The following CDC16 variants were observed in gnomAD, a reference collection of about 807,000 sequenced individuals.
CDC16 encodes the protein cell division cycle protein 16 homolog.
Under a neutral mutation model 87.0 loss-of-function variants are expected in CDC16, and 34 were observed. That is an observed-to-expected ratio of 0.39 (90% CI 0.30 to 0.52). The LOEUF is 0.52. Ranked by LOEUF, CDC16 falls within the 20% of genes least tolerant of loss-of-function variation. CDC16 has a pLI of 0.74. For missense variants in CDC16, 653 were observed against 751.9 expected, an observed-to-expected ratio of 0.87 and a Z score of 1.54; for synonymous variants, 263 against 260.6, an observed-to-expected ratio of 1.01 and a Z score of -0.09.
chr13:114,267,460 C>G (rs1194371404), intron 17 of CDC16, among the ~76,000 whole-genome samples: 1 of 148,746 alleles, frequency 6.7e-6, no homozygotes, highest in Non-Finnish European at 1.5e-5. Context: ...AAGATTGTGC[C>G]ACTGCACTCC....
chr13:114,238,695 C>T (rs146665409), intron 3 of CDC16, among the ~76,000 whole-genome samples: 46 of 152,338 alleles, frequency 3.0e-4, no homozygotes, highest in African/African-American at 1.1e-3. Context: ...GTTTACTTCT[C>T]CACCTGGTTG....
Position 114,257,230 on chromosome 13 carries a change from A to T in CDC16, c.1250A>T (p.Glu417Val). 6.2e-7 allele frequency: 1 copy of T among 1,604,072 alleles called. No individual in the cohort carries two copies. Among genetic ancestry groups the T allele is most frequent in the Non-Finnish European group, 8.5e-7 (1 of 1,172,768 alleles). ...EVGVVAFQNG[E>V]WKTAEKWFLD... Reference sequence around the variant, plus strand: ...GGCGTGGTTGCATTTCAGAATGGAGAGTAAGTACTGGAAGACCAGAAACCC... The same window carrying T: ...GGCGTGGTTGCATTTCAGAATGGAGTGTAAGTACTGGAAGACCAGAAACCC... Residue 417 changes from glutamate to valine, a missense_variant and splice_region_variant, in exon 13 of 18, where the codon GAA (glutamate) becomes GTA (valine). By Grantham distance (121) the Glu-to-Val change is moderately radical. Coordinates refer to ENST00000356221, the MANE Select transcript of CDC16 (RefSeq NM_001078645.3).
chr13:114,261,606 T>C (rs977341285), intron 14 of CDC16, among the ~76,000 whole-genome samples: 2 of 152,020 alleles, frequency 1.3e-5, no homozygotes, highest in Non-Finnish European at 2.9e-5. Flanking sequence ...TAGAGAGGTC[T>C]GGTGTTTGAG....
chr13:114,235,128 AC>A lies in CDC16; in HGVS notation c.46del (p.Gln16SerfsTer14). ...RLRKRVRQYL[D>X]QQQYQSALFW... ...CGGAAGCGCGTCCGGCAGTACCTCG[AC>A]CAGGTGGGCGGCCCCGACTCGGGGT... On this transcript the variant is annotated frameshift_variant, in exon 1 of 18. Coordinates refer to ENST00000356221, the MANE Select transcript of CDC16 (RefSeq NM_001078645.3). LOFTEE classifies it high-confidence loss of function. 8.0e-7 allele frequency: 1 copy of A among 1,244,230 alleles called. No homozygotes were observed. The highest frequency in any genetic ancestry group is 1.0e-6 in the Non-Finnish European group (1 of 994,342). 77.1% of individuals were successfully genotyped at this position (1,244,230 alleles called of 1,614,324 possible).
chr13:114,244,111 A>T lies in CDC16; in HGVS notation c.767+122A>T, dbSNP rs143058360. On this transcript the variant is annotated intron_variant, in intron 8 of 17. Coordinates refer to ENST00000356221, the MANE Select transcript of CDC16 (RefSeq NM_001078645.3). ...ATGATAATTTAAGTTATCTTTACCAATTGTAGAGCACTGAACAGGGTGCTG... is the reference window on the plus strand; with the variant it reads ...ATGATAATTTAAGTTATCTTTACCATTTGTAGAGCACTGAACAGGGTGCTG... The T allele has an allele frequency of 3.0e-3, 2,058 of 689,278 alleles. 26 individuals carry two copies. The African/African-American group carries it at 0.033, about 11-fold the overall frequency. 42.7% of individuals were successfully genotyped at this position (689,278 alleles called of 1,614,324 possible).
At chr13:114,236,149 C>G (rs2081240215) in intron 1 of CDC16, among the ~76,000 whole-genome samples, 1 of 152,142 alleles carries the variant, frequency 6.6e-6, no homozygotes, top group South Asian at 2.1e-4. Flanking sequence ...GAGTTCTTCC[C>G]CATGTTCAGT....
At chr13:114,267,203 C>G (rs192402695) in intron 17 of CDC16, among the ~76,000 whole-genome samples, 30 of 152,214 alleles carry the variant, frequency 2.0e-4, no homozygotes, top group Admixed American at 3.9e-4. Flanking sequence ...AAGAAGCTAT[C>G]TAGGCCGGGC....
chr13:114,261,526 T>C (rs1483303443), intron 14 of CDC16, among the ~76,000 whole-genome samples: 1 of 151,546 alleles, frequency 6.6e-6, no homozygotes, highest in African/African-American at 2.4e-5. Context: ...GAGATGGGTG[T>C]GGTGTGTGGT....
intron 3 of CDC16, among the ~76,000 whole-genome samples, 189 bp downstream of exon 3, chr13:114,237,085 C>T (rs759348443): frequency 3.3e-5 from 5 of 151,964 alleles, no homozygotes; most frequent in Admixed American, 1.3e-4. Context: ...ATTAGCCGGA[C>T]GTGGTGGCAG....
chr13:114,256,811 T>TTGC (rs2082529335), intron 12 of CDC16, among the ~76,000 whole-genome samples: 1 of 152,182 alleles, frequency 6.6e-6, no homozygotes, highest in Non-Finnish European at 1.5e-5. Flanking sequence ...ACCTGCCCTT[T>TTGC]TGCTTTAGAG....
chr13:114,250,467 G>A (rs1302733151), intron 11 of CDC16, 82 bp from the exon 12 acceptor site: 1 of 1,366,754 alleles, frequency 7.3e-7, no homozygotes, highest in Non-Finnish European at 9.9e-7. Flanking sequence ...ACTCCAGCCT[G>A]AGCGACAAAG....
At chr13:114,268,898 G>T (rs2083421077) in intron 17 of CDC16, among the ~76,000 whole-genome samples, 2 of 152,214 alleles carry the variant, frequency 1.3e-5, no homozygotes, top group African/African-American at 4.8e-5. Flanking sequence ...ATGTGGTGTT[G>T]GTGTGATGTG....
rs755027072 is a variant in CDC16 at position 114,242,242 on chromosome 13, A to T, written c.503A>T (p.Asp168Val). The T allele has an allele frequency of 6.2e-7, 1 of 1,614,042 alleles. No individual in the cohort carries two copies. The highest frequency in any genetic ancestry group is 1.1e-5 in the South Asian group (1 of 91,026). ...KLDVYCFEAFDLLTSHHMLTA... is the reference protein window; with the variant it reads ...KLDVYCFEAFVLLTSHHMLTA... ...GATGTCTACTGTTTTGAAGCGTTCGATCTTTTAACATCACATCACATGCTG... is the reference window on the plus strand; with the variant it reads ...GATGTCTACTGTTTTGAAGCGTTCGTTCTTTTAACATCACATCACATGCTG... The change falls in exon 6 of 18, where the codon GAT (aspartate) becomes GTT (valine). Residue 168 changes from aspartate to valine, a missense_variant. Physicochemically the swap from Asp to Val is radical, Grantham distance 152. Transcript: ENST00000356221.
chr13:114,236,796 CAGA>C lies in CDC16; in HGVS notation c.106_108del (p.Glu36del), dbSNP rs764314623. The C allele has an allele frequency of 6.2e-7, 1 of 1,613,020 alleles. No individual in the cohort carries two copies. The highest frequency in any genetic ancestry group is 1.1e-5 in the South Asian group (1 of 91,026). The stretch of plus-strand genomic sequence containing the variant: ...GACCACTTATGTGAATTTTTCCCTC[CAGA>C]AGAACCCCAGGACATCTATTGGTTG... On this transcript the variant is annotated splice_acceptor_variant and coding_sequence_variant, in exon 3 of 18. Transcript: ENST00000356221. LOFTEE classifies it high-confidence loss of function.
intron 11 of CDC16, among the ~76,000 whole-genome samples, chr13:114,249,130 G>T (rs539658890): frequency 1.8e-4 from 28 of 151,806 alleles, no homozygotes; most frequent in African/African-American, 6.8e-4. Context: ...GCAACTAGAT[G>T]GTCCCATCTG....
rs1226491839 is a variant in CDC16 at position 114,272,236 on chromosome 13, G to A, written c.1656G>A (p.Met552Ile). The A allele has an allele frequency of 1.2e-6, 2 of 1,605,740 alleles. No individual in the cohort carries two copies. Among genetic ancestry groups the A allele is most frequent in the Non-Finnish European group, 1.7e-6 (2 of 1,173,054 alleles). Residue 552 changes from methionine to isoleucine, a missense_variant, in exon 18 of 18, where the codon ATG becomes ATA. Met to Ile is a conservative substitution (Grantham distance 10). Coordinates refer to ENST00000356221, the MANE Select transcript of CDC16 (RefSeq NM_001078645.3). The part of the protein sequence containing the change: ...LKCYDFDVHT[M>I]KTLKNIISPP... ...GTTATGACTTTGATGTGCATACAAT[G>A]AAGACACTAAAAAACATTATTTCAC...
At position 114,254,050 on chromosome 13, in the gene CDC16, CTAAT is replaced by C. The variant is rs200216781; in HGVS notation, c.1098-3025_1098-3022del. On this transcript the variant is annotated intron_variant, in intron 12 of 17. Transcript: ENST00000356221. ...AGCCTTTTATCATTATAAAATATCA[CTAAT>C]TATCTCTAATAATACTTTTTTTTAT... 9.8e-3 allele frequency among the ~76,000 whole-genome samples: 1,486 copies of C among 152,216 alleles called. 22 individuals are homozygous for C. Among genetic ancestry groups the C allele is most frequent in the African/African-American group, 0.034 (1,411 of 41,546 alleles).
At chr13:114,236,198 G>A (rs930641424) in intron 1 of CDC16, among the ~76,000 whole-genome samples, 1 of 152,292 alleles carries the variant, frequency 6.6e-6, no homozygotes, top group Middle Eastern at 3.4e-3. Context: ...TTTTAAACTT[G>A]AGTGTTATTA....
intron 12 of CDC16, among the ~76,000 whole-genome samples, chr13:114,254,445 C>A (rs2082377882): frequency 6.6e-6 from 1 of 152,080 alleles, no homozygotes; most frequent in African/African-American, 2.4e-5. Flanking sequence ...TTTAAAACGA[C>A]CTACTTTGAA....
Sources: allele counts gnomAD v4.1 joint callset (sites outside exome capture counted in the v4.1 genomes callset), GRCh38; gene constraint gnomAD v4.1.1; transcripts MANE v1.5; gene names NCBI Gene and HGNC (gene_info 2026-07-23, HGNC 2026-07-21).